The following LCOR variants were observed in gnomAD, a reference collection of about 807,000 sequenced individuals.
The protein encoded by LCOR is ligand dependent nuclear receptor corepressor.
A neutral mutation model predicts 64.4 loss-of-function variants in LCOR; 14 were observed. That is an observed-to-expected ratio of 0.22 (90% CI 0.14 to 0.34). The LOEUF (loss-of-function observed/expected upper bound fraction) is 0.34, where lower values mean the gene tolerates loss of function less well. Among genes scored for constraint, LCOR ranks in the 10% least tolerant of loss-of-function variants. LCOR has a pLI of 1.00. For synonymous variants in LCOR, 643 were observed against 642.5 expected, an observed-to-expected ratio of 1.00 and a Z score of -0.01; for missense variants, 1,686 against 1,765.3, an observed-to-expected ratio of 0.96 and a Z score of 0.80.
intron 6 of LCOR, 65 bp downstream of exon 6, chr10:96,949,360 A>T: frequency 1.6e-5 from 23 of 1,415,622 alleles, no homozygotes; most frequent in Non-Finnish European, 2.3e-5. Context: ...AGAAAAAAAA[A>T]AGCATTGGCA....
At chr10:96,939,689 G>T (rs1304649568) in intron 4 of LCOR, among the ~76,000 whole-genome samples, 1 of 152,200 alleles carries the variant, frequency 6.6e-6, no homozygotes, top group African/African-American at 2.4e-5. Flanking sequence ...TCTAGGCCGG[G>T]CGCGGGGCCC....
rs1280511176 is a variant in LCOR, at chr10:96,834,098, C to T, written c.-330+619C>T. ...TTTAAACAAGTGAAAAATCAGGTAA[C>T]CTTTACTTAAAGAATATACGCCTTT... On this transcript the variant is annotated intron_variant, in intron 2 of 7. Coordinates refer to ENST00000421806, the MANE Select transcript of LCOR (RefSeq NM_001346516.2). Among the ~76,000 whole-genome samples, 4 of 152,108 alleles carry T rather than the reference C, an allele frequency of 2.6e-5. No individual in the cohort carries two copies. The East Asian group carries it at 5.8e-4, about 22-fold the overall frequency.
Position 96,984,742 on chromosome 10 carries a change from G to A in LCOR, c.4282G>A (p.Ala1428Thr). The A allele has an allele frequency of 6.2e-7, 1 of 1,613,776 alleles. No homozygotes were observed. Among genetic ancestry groups the A allele is most frequent in the Non-Finnish European group, 8.5e-7 (1 of 1,179,966 alleles). The change falls in exon 8 of 8, where the codon GCC (alanine) becomes ACC (threonine). Residue 1428 changes from alanine (A) to threonine (T), a missense_variant. By Grantham distance (58) the Ala-to-Thr change is moderately conservative. Around this residue, in one of 3 missense-constraint regions of LCOR, gnomAD observed 1,293 missense variants for 1,410.4 expected, o/e 0.92. Transcript: ENST00000421806. Reference protein sequence around the residue: ...KASKEKHADGATKTPAAKRPA... With the variant: ...KASKEKHADGTTKTPAAKRPA... ...CAGCAAAGAAAAGCATGCTGATGGA[G>A]CCACCAAAACCCCTGCTGCCAAGAG...
At chr10:96,905,233 T>C (rs1006146212) in intron 2 of LCOR, among the ~76,000 whole-genome samples, 1 of 152,196 alleles carries the variant, frequency 6.6e-6, no homozygotes, top group African/African-American at 2.4e-5. Context: ...TATTTCTTGC[T>C]ATATTTACTT....
chr10:96,887,750 A>G (rs1589632821), intron 2 of LCOR, among the ~76,000 whole-genome samples: 1 of 150,608 alleles, frequency 6.6e-6, no homozygotes, highest in African/African-American at 2.4e-5. Context: ...GCGCCATCTC[A>G]GCTCACTGCA....
At chr10:96,843,954 T>A (rs1283642434) in intron 2 of LCOR, among the ~76,000 whole-genome samples, 1 of 152,188 alleles carries the variant, frequency 6.6e-6, no homozygotes, top group Non-Finnish European at 1.5e-5. Context: ...ACCTTTGATG[T>A]TGTTAACATC....
At chr10:96,926,366 A>G (rs1428401537) in intron 4 of LCOR, among the ~76,000 whole-genome samples, 6 of 152,226 alleles carry the variant, frequency 3.9e-5, no homozygotes, top group Non-Finnish European at 7.4e-5. Flanking sequence ...ACTTAAATGT[A>G]TGCTTGCTTT....
intron 2 of LCOR, among the ~76,000 whole-genome samples, chr10:96,847,779 A>G (rs1166348079): frequency 2.6e-5 from 4 of 152,174 alleles, no homozygotes; most frequent in Non-Finnish European, 4.4e-5. Flanking sequence ...AGATTGAATT[A>G]CCTACAAACT....
At chr10:96,863,514 A>C (rs1402009346) in intron 2 of LCOR, among the ~76,000 whole-genome samples, 1 of 151,944 alleles carries the variant, frequency 6.6e-6, no homozygotes, top group Non-Finnish European at 1.5e-5. Context: ...CATCTTGTGA[A>C]TTTTCTGATT....
rs139233157 is a variant in LCOR at position 96,848,729 on chromosome 10, G to A, written c.-330+15250G>A. ...GATGTTCTCAGATGGCAGAATCTGA[G>A]GATCTTCAGATTATTGCATCTGAAG... On this transcript the variant is annotated intron_variant, in intron 2 of 7. Transcript: ENST00000421806. Among the ~76,000 whole-genome samples, 161 of 152,172 alleles carry A rather than the reference G, an allele frequency of 1.1e-3. 1 individual carries two copies. Among genetic ancestry groups the A allele is most frequent in the African/African-American group, 3.7e-3 (155 of 41,524 alleles).
chr10:96,865,634 G>T (rs1428404791), intron 2 of LCOR, among the ~76,000 whole-genome samples: 3 of 152,126 alleles, frequency 2.0e-5, no homozygotes, highest in Non-Finnish European at 2.9e-5. Flanking sequence ...CAGCACTTTG[G>T]GAGGCTGAGG....
intron 4 of LCOR, among the ~76,000 whole-genome samples, chr10:96,914,277 A>G (rs186459083): frequency 4.8e-4 from 73 of 152,082 alleles, no homozygotes; most frequent in Admixed American, 2.5e-3. Context: ...GGTCACTGCA[A>G]CCTCCACCTC....
intron 2 of LCOR, among the ~76,000 whole-genome samples, chr10:96,878,807 C>G (rs1846212931): frequency 6.6e-6 from 1 of 151,968 alleles, no homozygotes; most frequent in Non-Finnish European, 1.5e-5. Flanking sequence ...CCTCCCCTCC[C>G]CTCTTCCGAC....
At chr10:96,891,689 C>T (rs1846446870) in intron 2 of LCOR, among the ~76,000 whole-genome samples, 1 of 151,422 alleles carries the variant, frequency 6.6e-6, no homozygotes, top group South Asian at 2.1e-4. Context: ...ATTACAGGTG[C>T]ACGCCACCAC....
intron 7 of LCOR, chr10:96,962,175 A>G (rs1847892151): frequency 6.6e-6 from 1 of 152,114 alleles, no homozygotes; most frequent in Non-Finnish European, 1.5e-5. Flanking sequence ...CTTTCTAGCA[A>G]TTCCAAGTGA....
chr10:96,837,658 TAC>T (rs1845470499), intron 2 of LCOR, among the ~76,000 whole-genome samples: 1 of 152,258 alleles, frequency 6.6e-6, no homozygotes, highest in South Asian at 2.1e-4. Flanking sequence ...CCATTGCTGT[TAC>T]AGACCTATTT....
At chr10:96,975,002 C>T (rs1589690653) in intron 7 of LCOR, among the ~76,000 whole-genome samples, 2 of 152,088 alleles carry the variant, frequency 1.3e-5, no homozygotes, top group East Asian at 3.9e-4. Context: ...AAAACCCCAT[C>T]GCTAGTAAAA....
chr10:96,955,057 C>T, intron 7 of LCOR: 2 of 1,614,106 alleles, frequency 1.2e-6, no homozygotes, highest in Admixed American at 3.3e-5. Context: ...TTTGGACACT[C>T]CACATCACTC....
At chr10:96,975,940 G>A (rs527318774) in intron 7 of LCOR, among the ~76,000 whole-genome samples, 5 of 152,254 alleles carry the variant, frequency 3.3e-5, no homozygotes, top group East Asian at 1.9e-4. Flanking sequence ...GCTTGAACCC[G>A]GGAGGTGGAG....
Sources: allele counts gnomAD v4.1 joint callset (sites outside exome capture counted in the v4.1 genomes callset), GRCh38; gene constraint gnomAD v4.1.1; regional missense constraint gnomAD v4.1.1; transcripts MANE v1.5; gene names NCBI Gene and HGNC (gene_info 2026-07-23, HGNC 2026-07-21).